The following ANK3 variants were observed in gnomAD, a reference collection of about 807,000 sequenced individuals.
ANK3 encodes the protein ankyrin-3.
ANK3 carries 57 observed loss-of-function variants against 370.9 expected under a neutral mutation model. That is an observed-to-expected ratio of 0.15 (90% CI 0.12 to 0.19). The LOEUF is 0.19. Among genes scored for constraint, ANK3 ranks in the 10% least tolerant of loss-of-function variants. The pLI is 1.00. For missense variants in ANK3, 4,439 were observed against 5,302.1 expected (o/e 0.84, Z 5.06); for synonymous variants, 1,929 against 1,946.3 (o/e 0.99, Z 0.23).
At chr10:60,276,134 C>A (rs964423310) in intron 4 of ANK3, among the ~76,000 whole-genome samples, 1 of 151,982 alleles carries the variant, frequency 6.6e-6, no homozygotes, top group Non-Finnish European at 1.5e-5. Context: ...GTTTATAGAG[C>A]CTTGGTTTAT....
chr10:60,082,116 T>C (rs2085428512), intron 35 of ANK3, 34 bp downstream of exon 35: 1 of 1,563,610 alleles, frequency 6.4e-7, no homozygotes, highest in South Asian at 1.1e-5. Context: ...CTATTCTACT[T>C]CTGATAGAAT....
intron 17 of ANK3, among the ~76,000 whole-genome samples, chr10:60,185,983 A>G (rs772488758): frequency 6.6e-6 from 1 of 152,208 alleles, no homozygotes; most frequent in Non-Finnish European, 1.5e-5. Context: ...AAAATTGCCA[A>G]CAACTTCTCC....
chr10:60,031,076 T>C (rs1464519303), intron 43 of ANK3, among the ~76,000 whole-genome samples: 1 of 121,328 alleles, frequency 8.2e-6, no homozygotes, highest in Non-Finnish European at 1.8e-5. Context: ...GGATAGAGCA[T>C]CTCAGCTATT....
chr10:60,138,828 C>T (rs1041284723), intron 24 of ANK3, 136 bp downstream of exon 24: 3 of 1,142,956 alleles, frequency 2.6e-6, no homozygotes, highest in South Asian at 1.5e-5. Flanking sequence ...GTATTTGCGT[C>T]GAGAACATTT....
In ANK3 at chr10:60,317,968, G is replaced by A. The variant is rs72822272; in HGVS notation, c.115-38329C>T. Among the ~76,000 whole-genome samples the A allele has an allele frequency of 5.5e-3, 828 of 151,710 alleles. 5 individuals are homozygous for A. Among genetic ancestry groups the A allele is most frequent in the South Asian group, 0.013 (61 of 4,796 alleles). ...CCTGACCTCGTGATCAGCCCGCCTC[G>A]GCCTTCATGAGAGAATTTTGACATA... is the stretch of plus-strand genomic sequence containing the variant. On this transcript the variant is annotated intron_variant, in intron 1 of 43. Transcript: ENST00000280772.
intron 1 of ANK3, among the ~76,000 whole-genome samples, chr10:60,662,555 AT>A (rs756766203): frequency 2.0e-5 from 3 of 152,318 alleles, no homozygotes; most frequent in Non-Finnish European, 2.9e-5. Context: ...CACATTCATT[AT>A]TGTCTGTCAC....
chr10:60,698,825 T>C (rs1005148799), intron 1 of ANK3, among the ~76,000 whole-genome samples: 2 of 150,508 alleles, frequency 1.3e-5, no homozygotes, highest in African/African-American at 4.9e-5. Flanking sequence ...GTGGGTGCAG[T>C]GCACCAGCAT....
chr10:60,612,828 A>G (rs2078219052), intron 2 of ANK3, among the ~76,000 whole-genome samples: 1 of 152,228 alleles, frequency 6.6e-6, no homozygotes, highest in South Asian at 2.1e-4. Context: ...TGGTATTCCC[A>G]GTAGTCTTTG....
intron 4 of ANK3, among the ~76,000 whole-genome samples, chr10:60,270,446 T>G (rs959031998): frequency 1.6e-4 from 25 of 152,352 alleles, no homozygotes; most frequent in Non-Finnish European, 2.2e-4. Flanking sequence ...ATTCATAATT[T>G]GAGTATAGCT....
At chr10:60,177,593 C>CTTTTTTTT (rs771714886) in intron 18 of ANK3, among the ~76,000 whole-genome samples, 1,155 of 106,246 alleles carry the variant, frequency 0.011, 125 homozygotes, top group East Asian at 0.06. Flanking sequence ...GTCTTCAAAT[C>CTTTTTTTT]TTTTTTTTTT....
intron 1 of ANK3, among the ~76,000 whole-genome samples, chr10:60,341,175 A>T (rs2054202179): frequency 1.3e-5 from 2 of 152,106 alleles, no homozygotes; most frequent in South Asian, 4.2e-4. Context: ...TCAACTCTAC[A>T]TTGTTATTAC....
At chr10:60,413,831 C>T (rs561033883) in intron 2 of ANK3, among the ~76,000 whole-genome samples, 2 of 151,844 alleles carry the variant, frequency 1.3e-5, no homozygotes, top group South Asian at 4.2e-4. Flanking sequence ...CCTATCTCTA[C>T]AAAAAAATGA....
chr10:60,203,186 C>T (rs1188809465), intron 11 of ANK3, 86 bp from the exon 12 acceptor site: 24 of 837,070 alleles, frequency 2.9e-5, no homozygotes, highest in East Asian at 1.7e-4. Flanking sequence ...CATCCATCCA[C>T]CCATCTAAAT....
chr10:60,361,988 T>C (rs1262963451), intron 1 of ANK3, among the ~76,000 whole-genome samples: 1 of 152,182 alleles, frequency 6.6e-6, no homozygotes, highest in East Asian at 1.9e-4. Context: ...CATGAAGAGA[T>C]AATCATTATT....
At chr10:60,059,098 C>T (rs558450019) in intron 41 of ANK3, among the ~76,000 whole-genome samples, 10 of 152,122 alleles carry the variant, frequency 6.6e-5, no homozygotes, top group East Asian at 1.9e-4. Flanking sequence ...GTAAAGACAA[C>T]GTATAAATCT....
intron 1 of ANK3, among the ~76,000 whole-genome samples, chr10:60,634,156 T>C (rs1017341162): frequency 5.9e-5 from 9 of 152,212 alleles, no homozygotes; most frequent in African/African-American, 2.2e-4. Flanking sequence ...CAGAATAATG[T>C]AGAATCCTTG....
At chr10:60,124,324 G>C (rs1197183258) in intron 25 of ANK3, among the ~76,000 whole-genome samples, 1 of 147,296 alleles carries the variant, frequency 6.8e-6, no homozygotes, top group Non-Finnish European at 1.5e-5. Context: ...ACCACGCCCA[G>C]CTGATTTTAT....
intron 2 of ANK3, among the ~76,000 whole-genome samples, chr10:60,516,949 G>C (rs1027795549): frequency 2.6e-5 from 4 of 152,034 alleles, no homozygotes; most frequent in African/African-American, 7.2e-5. Context: ...AAATACTGTA[G>C]AGCCACGTTC....
intron 2 of ANK3, among the ~76,000 whole-genome samples, chr10:60,497,731 C>T (rs1453684687): frequency 2.6e-5 from 4 of 152,060 alleles, no homozygotes; most frequent in Non-Finnish European, 4.4e-5. Flanking sequence ...AAAAATAATG[C>T]TCAGATCCCC....
Sources: allele counts gnomAD v4.1 joint callset (sites outside exome capture counted in the v4.1 genomes callset), GRCh38; gene constraint gnomAD v4.1.1; transcripts MANE v1.5; gene names NCBI Gene and HGNC (gene_info 2026-07-23, HGNC 2026-07-21).